Variants in QTMAN observed in about 807,000 individuals in gnomAD.
QTMAN encodes queuosine-tRNA mannosyltransferase.
chr2:144,098,551 C>A, the QTMAN span, among the ~76,000 whole-genome samples: 1 of 151,798 alleles, frequency 6.6e-6, no homozygotes, highest in African/African-American at 2.4e-5. Flanking sequence ...CCCATCTCTA[C>A]TAAAATACAA....
chr2:144,244,431 C>G, the QTMAN span, among the ~76,000 whole-genome samples: 1 of 152,184 alleles, frequency 6.6e-6, no homozygotes, highest in East Asian at 1.9e-4. Context: ...AAACATCTGA[C>G]AGAATACCAA....
chr2:143,980,744 C>A, the QTMAN span, among the ~76,000 whole-genome samples: 3 of 152,190 alleles, frequency 2.0e-5, no homozygotes, highest in Non-Finnish European at 4.4e-5. Context: ...AATGTTTTCA[C>A]GTCATATCTT....
At chr2:144,084,935 C>T in the QTMAN span, among the ~76,000 whole-genome samples, 1 of 149,504 alleles carries the variant, frequency 6.7e-6, no homozygotes, top group South Asian at 2.1e-4. Flanking sequence ...TCTCAGGTTC[C>T]ATCCCAAGAG....
the QTMAN span, among the ~76,000 whole-genome samples, chr2:144,312,828 G>A: frequency 3.8e-4 from 58 of 152,140 alleles, no homozygotes; most frequent in African/African-American, 1.3e-3. Flanking sequence ...CTTCTCTCTC[G>A]CCAGCCACCA....
chr2:144,025,832 C>G, the QTMAN span, among the ~76,000 whole-genome samples: 1 of 152,146 alleles, frequency 6.6e-6, no homozygotes, highest in East Asian at 1.9e-4. Flanking sequence ...CAGTCCAGTC[C>G]CTACTTCAGG....
the QTMAN span, among the ~76,000 whole-genome samples, chr2:144,161,454 G>A: frequency 6.6e-6 from 1 of 152,082 alleles, no homozygotes; most frequent in Non-Finnish European, 1.5e-5. Context: ...AAATGTGAAT[G>A]CCCAAATTTC....
chr2:144,323,408 A>G, the QTMAN span, among the ~76,000 whole-genome samples: 67 of 152,302 alleles, frequency 4.4e-4, no homozygotes, highest in Middle Eastern at 6.8e-3. Flanking sequence ...TTTTCTGTGA[A>G]TGCACAGCTG....
chr2:144,273,572 T>C, the QTMAN span, among the ~76,000 whole-genome samples: 1 of 152,078 alleles, frequency 6.6e-6, no homozygotes, highest in African/African-American at 2.4e-5. Context: ...TTCAGAAGGT[T>C]TGGAGGAGTA....
chr2:143,976,091 C>T, the QTMAN span, among the ~76,000 whole-genome samples: 2 of 152,164 alleles, frequency 1.3e-5, no homozygotes, highest in Non-Finnish European at 2.9e-5. Context: ...ACAAATATAA[C>T]TATTCCTTCA....
the QTMAN span, among the ~76,000 whole-genome samples, chr2:144,247,959 A>G: frequency 6.6e-6 from 1 of 152,232 alleles, no homozygotes; most frequent in Non-Finnish European, 1.5e-5. Context: ...CCAAAGTAAC[A>G]GGATTACAGA....
At chr2:144,149,520 T>C in the QTMAN span, among the ~76,000 whole-genome samples, 2 of 152,008 alleles carry the variant, frequency 1.3e-5, no homozygotes, top group Admixed American at 6.6e-5. Flanking sequence ...AAATTGCAAC[T>C]TTTGTCTCTG....
chr2:143,941,854 G>C, the QTMAN span: 5 of 152,172 alleles, frequency 3.3e-5, no homozygotes, highest in Non-Finnish European at 7.3e-5. Flanking sequence ...GGTGCTTCCT[G>C]AAAGGCACAT....
chr2:144,183,770 A>AAG, the QTMAN span, among the ~76,000 whole-genome samples: 1 of 152,162 alleles, frequency 6.6e-6, no homozygotes, highest in Non-Finnish European at 1.5e-5. Flanking sequence ...GGACATCTTG[A>AAG]AGAATCCTTT....
At chr2:144,325,276 C>G in the QTMAN span, among the ~76,000 whole-genome samples, 2 of 152,152 alleles carry the variant, frequency 1.3e-5, no homozygotes, top group Non-Finnish European at 2.9e-5. Flanking sequence ...GAGTCACACA[C>G]ACTTTTGACA....
At chr2:144,026,099 C>A in the QTMAN span, among the ~76,000 whole-genome samples, 1 of 152,074 alleles carries the variant, frequency 6.6e-6, no homozygotes, top group African/African-American at 2.4e-5. Context: ...TTAGAAGAGG[C>A]CTTTTCAAAC....
the QTMAN span, among the ~76,000 whole-genome samples, chr2:144,168,578 G>A: frequency 6.6e-6 from 1 of 152,076 alleles, no homozygotes; most frequent in Non-Finnish European, 1.5e-5. Context: ...TAAATAATCA[G>A]TACATAGAGA....
At chr2:144,038,726 A>G in the QTMAN span, among the ~76,000 whole-genome samples, 2 of 152,220 alleles carry the variant, frequency 1.3e-5, no homozygotes, top group Non-Finnish European at 2.9e-5. Context: ...ACACAGTTGT[A>G]TTAAATTGAT....
chr2:144,185,272 C>T, the QTMAN span, among the ~76,000 whole-genome samples: 3 of 152,128 alleles, frequency 2.0e-5, no homozygotes, highest in Non-Finnish European at 4.4e-5. Flanking sequence ...TTCTCCAAAA[C>T]CTTATAGCTA....
At chr2:144,098,658 T>C in the QTMAN span, among the ~76,000 whole-genome samples, 2 of 150,256 alleles carry the variant, frequency 1.3e-5, no homozygotes, top group East Asian at 3.9e-4. Flanking sequence ...GACGTTGCAG[T>C]GAGCCGAGAT....
Sources: allele counts gnomAD v4.1 joint callset (sites outside exome capture counted in the v4.1 genomes callset), GRCh38; gene constraint gnomAD v4.1.1; transcripts MANE v1.5; gene names NCBI Gene and HGNC (gene_info 2026-07-23, HGNC 2026-07-21).